PJA2: variants seen among roughly 807,000 people sequenced by gnomAD.
The protein encoded by PJA2 is E3 ubiquitin-protein ligase Praja-2.
PJA2 carries 25 observed loss-of-function variants against 69.3 expected under a neutral mutation model. The observed-to-expected ratio is 0.36, with a 90% CI of 0.26 to 0.50. The LOEUF is 0.50. Ranked by LOEUF, PJA2 falls within the 20% of genes least tolerant of loss-of-function variation. The probability of loss-of-function intolerance (pLI) is 0.96; values close to 1 mark genes in which losing one functional copy is unlikely to be tolerated. For synonymous variants in PJA2, 308 were observed against 277.8 expected, an observed-to-expected ratio of 1.11 and a Z score of -1.08; for missense variants, 809 against 830.2, an observed-to-expected ratio of 0.97 and a Z score of 0.31.
intron 1 of PJA2, among the ~76,000 whole-genome samples, chr5:109,403,584 A>T (rs920380664): frequency 3.4e-4 from 52 of 152,148 alleles, no homozygotes; most frequent in African/African-American, 1.2e-3. Context: ...TCACCAATTT[A>T]TAAAAATGAT....
rs1022871965 is a variant in PJA2 at position 109,375,380 on chromosome 5, T to C, written c.1283+2824A>G. On this transcript the variant is annotated intron_variant, in intron 4 of 9. Transcript: ENST00000361189. The stretch of plus-strand genomic sequence containing the variant: ...CAAAAATTAGCTGGGCATGATGGCA[T>C]GCCTGTGGTCCCAGTTATTCAGAAG... 5.9e-5 allele frequency among the ~76,000 whole-genome samples: 9 copies of C among 152,060 alleles called. No homozygotes were observed. The East Asian group carries it at 1.4e-3, about 23-fold the overall frequency.
At chr5:109,403,849 A>G (rs1747620005) in intron 1 of PJA2, among the ~76,000 whole-genome samples, 1 of 152,104 alleles carries the variant, frequency 6.6e-6, no homozygotes, top group Non-Finnish European at 1.5e-5. Flanking sequence ...AGGCGGGCAG[A>G]TCACGAGGTG....
At chr5:109,344,343 A>G (rs777993561) in intron 8 of PJA2, 32 bp from the exon 9 acceptor site, 2 of 1,565,506 alleles carry the variant, frequency 1.3e-6, no homozygotes, top group South Asian at 2.4e-5. Flanking sequence ...GGTCAATCAC[A>G]CGTAGTTCAA....
At position 109,383,508 on chromosome 5, in the gene PJA2, C is replaced by A; in HGVS notation, c.-75G>T. 8.2e-7 allele frequency: 1 copy of A among 1,221,390 alleles called. No homozygotes were observed. The highest frequency in any genetic ancestry group is 2.4e-5 in the East Asian group (1 of 42,506). 75.7% of individuals were successfully genotyped at this position (1,221,390 alleles called of 1,614,324 possible). On this transcript the variant is annotated 5_prime_UTR_variant, in exon 2 of 10. Coordinates refer to ENST00000361189, the MANE Select transcript of PJA2 (RefSeq NM_014819.5). ...AGTTTTTATTCACACTATGGACAAG[C>A]CGCAGAAGATTCCTACAAAGAAACA...
chr5:109,358,306 A>G (rs1762451664), intron 6 of PJA2, among the ~76,000 whole-genome samples: 1 of 152,234 alleles, frequency 6.6e-6, no homozygotes, highest in Non-Finnish European at 1.5e-5. Context: ...TAACTGGCCC[A>G]ACCTATCCCT....
At chr5:109,343,355 A>T (rs1422568235) in intron 9 of PJA2, among the ~76,000 whole-genome samples, 1 of 103,148 alleles carries the variant, frequency 9.7e-6, no homozygotes, top group Non-Finnish European at 2.0e-5. Flanking sequence ...TACCATAAAA[A>T]AAAAAAAAAA....
At position 109,346,009 on chromosome 5, in the gene PJA2, C is replaced by T. The variant is rs193026219; in HGVS notation, c.1765-1190G>A. Among the ~76,000 whole-genome samples the T allele has an allele frequency of 3.3e-5, 5 of 152,302 alleles. No individual in the cohort carries two copies. The East Asian group carries it at 7.7e-4, about 23-fold the overall frequency. On this transcript the variant is annotated intron_variant, in intron 7 of 9. Transcript: ENST00000361189. ...TTACTTGCTCTTGGTGCACATGCTG[C>T]TTCCCCTGCCTGGTGCTTTCTGTCC... is the stretch of plus-strand genomic sequence containing the variant.
chr5:109,380,439 GCCTT>G (rs1747016369), intron 3 of PJA2, among the ~76,000 whole-genome samples: 2 of 152,136 alleles, frequency 1.3e-5, no homozygotes, highest in East Asian at 3.9e-4. Context: ...AATTGAATAA[GCCTT>G]CCTTGTCCTT....
chr5:109,372,458 G>T (rs964452666), intron 4 of PJA2, among the ~76,000 whole-genome samples: 3 of 152,098 alleles, frequency 2.0e-5, no homozygotes, highest in Non-Finnish European at 2.9e-5. Context: ...ATTATTTCAT[G>T]AACTAGACTT....
intron 7 of PJA2, among the ~76,000 whole-genome samples, chr5:109,354,591 G>A (rs1269569649): frequency 8.5e-6 from 1 of 118,336 alleles, no homozygotes; most frequent in African/African-American, 3.3e-5. Flanking sequence ...TATCTATATC[G>A]ATATTACATA....
chr5:109,386,511 C>T (rs1254273029), intron 1 of PJA2, among the ~76,000 whole-genome samples: 3 of 152,118 alleles, frequency 2.0e-5, no homozygotes, highest in Non-Finnish European at 4.4e-5. Flanking sequence ...AGATACTCTT[C>T]GGAGCCGTCT....
chr5:109,404,105 A>T (rs951870428), intron 1 of PJA2, among the ~76,000 whole-genome samples: 1 of 150,638 alleles, frequency 6.6e-6, no homozygotes, highest in South Asian at 2.1e-4. Context: ...AACAACAAAA[A>T]CCTCTCAGCA....
intron 1 of PJA2, among the ~76,000 whole-genome samples, chr5:109,400,002 A>T (rs1474490787): frequency 6.6e-6 from 1 of 152,160 alleles, no homozygotes; most frequent in African/African-American, 2.4e-5. Flanking sequence ...AGCTCAAGAT[A>T]AATCAGGCCA....
intron 8 of PJA2, 85 bp from the exon 9 acceptor site, chr5:109,344,396 T>A: frequency 1.4e-6 from 2 of 1,394,002 alleles, no homozygotes; most frequent in Non-Finnish European, 1.9e-6. Flanking sequence ...TCATAGAAGA[T>A]ACCTCTGAAA....
chr5:109,361,109 C>G (rs986866602), intron 6 of PJA2, among the ~76,000 whole-genome samples: 1 of 152,130 alleles, frequency 6.6e-6, no homozygotes, highest in Non-Finnish European at 1.5e-5. Flanking sequence ...GCCTGGGCAA[C>G]AGAACGAGAC....
At chr5:109,405,193 T>C (rs1470131191) in intron 1 of PJA2, among the ~76,000 whole-genome samples, 1 of 152,238 alleles carries the variant, frequency 6.6e-6, no homozygotes, top group Non-Finnish European at 1.5e-5. Context: ...CTTATAATGG[T>C]ATCAATTATT....
chr5:109,352,793 T>TA (rs1762277709), intron 7 of PJA2, among the ~76,000 whole-genome samples: 1 of 151,322 alleles, frequency 6.6e-6, no homozygotes, highest in Non-Finnish European at 1.5e-5. Context: ...GATATCTATA[T>TA]TAGATATGTA....
Position 109,379,121 on chromosome 5 carries a change from T to C in PJA2, c.366A>G (p.Val122=), listed in dbSNP as rs769523746. The C allele has an allele frequency of 6.2e-7, 1 of 1,614,142 alleles. No individual in the cohort carries two copies. Among genetic ancestry groups the C allele is most frequent in the East Asian group, 2.2e-5 (1 of 44,872 alleles). Residue 122 remains valine (V), a synonymous_variant, in exon 4 of 10, where the codon GTA becomes GTG. Transcript: ENST00000361189. ...TTESSQSFVA[V]HHSEEGRDTL... ...TATCCCTGCCTTCCTCACTGTGATGTACTGCAACAAAGGATTGACTGCTCT... is the reference window on the plus strand; with the variant it reads ...TATCCCTGCCTTCCTCACTGTGATGCACTGCAACAAAGGATTGACTGCTCT...
intron 4 of PJA2, among the ~76,000 whole-genome samples, chr5:109,373,047 T>A (rs1339811595): frequency 6.6e-6 from 1 of 151,578 alleles, no homozygotes; most frequent in African/African-American, 2.4e-5. Context: ...TGAGCTGAGA[T>A]TGCACCGCTG....
Sources: gnomAD v4.1 joint callset for allele counts (sites outside exome capture counted in the v4.1 genomes callset) on GRCh38, gnomAD v4.1.1 for gene constraint, MANE v1.5 for transcripts, NCBI Gene and HGNC (gene_info 2026-07-23, HGNC 2026-07-21) for gene names.